The following IFT122 variants were observed in gnomAD, a reference collection of about 807,000 sequenced individuals.
The protein encoded by IFT122 is intraflagellar transport 122.
IFT122 carries 118 observed loss-of-function variants against 161.6 expected under a neutral mutation model. The ratio of observed to expected loss-of-function variants is 0.73; its 90% CI spans 0.63 to 0.85. IFT122 has a LOEUF of 0.85. Ranked by LOEUF, IFT122 falls within the 40% of genes least tolerant of loss-of-function variation. The pLI, the probability that IFT122 is intolerant of heterozygous loss-of-function variation, is 0.00. For synonymous variants in IFT122, 550 were observed against 602.4 expected (o/e 0.91, Z 1.27); for missense variants, 1,381 against 1,579.6 (o/e 0.87, Z 2.13).
At chr3:129,512,511 C>G (rs2082955851) in intron 24 of IFT122, 99 bp downstream of exon 24, 2 of 857,806 alleles carry the variant, frequency 2.3e-6, no homozygotes, top group African/African-American at 1.6e-5. Flanking sequence ...ACCTTCCTCT[C>G]TCAGCAACCC....
Position 129,495,604 on chromosome 3 carries a change from C to T in IFT122, c.2205C>T (p.Ala735=), listed in dbSNP as rs2080737814. Residue 735 remains alanine (A), a synonymous_variant, in exon 18 of 30, where the codon GCC becomes GCT. Transcript: ENST00000348417. ...MYTDLCMFEY[A]KDFLGSGDPK... The stretch of plus-strand genomic sequence containing the variant: ...CCGACCTCTGCATGTTTGAGTATGC[C>T]AAGGTAACCTACCCTGTCCCAGGCC... 6.2e-7 allele frequency: 1 copy of T among 1,614,150 alleles called. No homozygotes were observed. Among genetic ancestry groups the T allele is most frequent in the Non-Finnish European group, 8.5e-7 (1 of 1,180,010 alleles).
At position 129,481,667 on chromosome 3, in the gene IFT122, C is replaced by T. The variant is rs747257777; in HGVS notation, c.1626C>T (p.Asp542=). The part of the protein sequence containing the change: ...VDENDTCLVY[D]IDTKELLFQE... ...AAAATGACACTTGCCTGGTGTATGA[C>T]ATCGACACCAAGGAGCTGCTTTTTC... is the stretch of plus-strand genomic sequence containing the variant. The change falls in exon 14 of 30, where the codon GAC becomes GAT. Residue 542 remains aspartate (D), a synonymous_variant. Coordinates refer to ENST00000348417, the MANE Select transcript of IFT122 (RefSeq NM_052989.3). The T allele has an allele frequency of 6.2e-7, 1 of 1,614,082 alleles. No homozygotes were observed. The highest frequency in any genetic ancestry group is 2.2e-5 in the East Asian group (1 of 44,882).
At chr3:129,503,943 T>G in intron 20 of IFT122, 1 of 337,964 alleles carries the variant, frequency 3.0e-6, no homozygotes, top group South Asian at 2.4e-5. Context: ...TGATAAGAAG[T>G]GGTGATGATG....
Position 129,520,275 on chromosome 3 carries a change from T to TG in IFT122, c.*14dup, listed in dbSNP as rs765958794. 1 of 1,603,430 alleles carries TG rather than the reference T, an allele frequency of 6.2e-7. No individual in the cohort carries two copies. Among genetic ancestry groups the TG allele is most frequent in the South Asian group, 1.1e-5 (1 of 90,482 alleles). ...TGACCCTGGCCCATGACCAGCATCC[T>TG]GGGGACGGCCTGCACCCTCTGCCCG... On this transcript the variant is annotated 3_prime_UTR_variant, in exon 30 of 30. Transcript: ENST00000348417.
chr3:129,510,813 T>A (rs1441782574), intron 23 of IFT122, among the ~76,000 whole-genome samples: 1 of 152,218 alleles, frequency 6.6e-6, no homozygotes, highest in African/African-American at 2.4e-5. Context: ...AAATGCCTAC[T>A]ACGTGACAGA....
In IFT122 at chr3:129,512,299, T is replaced by C; in HGVS notation, c.2887-13T>C. The C allele has an allele frequency of 6.3e-7, 1 of 1,599,690 alleles. No individual in the cohort carries two copies. Among genetic ancestry groups the C allele is most frequent in the Non-Finnish European group, 8.6e-7 (1 of 1,166,764 alleles). ...GAAGAACTCAATCCCTGTTTGCTTT[T>C]CTCTCACTGCAGGAAGATCCGTTCA... On this transcript the variant is annotated splice_polypyrimidine_tract_variant and intron_variant, in intron 23 of 29. Coordinates refer to ENST00000348417, the MANE Select transcript of IFT122 (RefSeq NM_052989.3).
chr3:129,484,306 T>C (rs1310101523), intron 15 of IFT122, among the ~76,000 whole-genome samples: 1 of 152,102 alleles, frequency 6.6e-6, no homozygotes, highest in Non-Finnish European at 1.5e-5. Flanking sequence ...AGGCAGATGG[T>C]GCTCACTGTA....
intron 3 of IFT122, among the ~76,000 whole-genome samples, chr3:129,456,460 A>G (rs1049773866): frequency 1.3e-5 from 2 of 152,098 alleles, no homozygotes; most frequent in African/African-American, 4.8e-5. Flanking sequence ...AACACAGTGA[A>G]ACCTCGTCTG....
intron 19 of IFT122, 124 bp from the exon 20 acceptor site, chr3:129,502,587 C>T: frequency 4.6e-6 from 5 of 1,076,432 alleles, no homozygotes; most frequent in Middle Eastern, 4.0e-4. Context: ...AATAACTACC[C>T]ACTGAGCAAC....
At chr3:129,453,021 C>G (rs28442882) in intron 3 of IFT122, among the ~76,000 whole-genome samples, 2,119 of 152,182 alleles carry the variant, frequency 0.014, 40 homozygotes, top group African/African-American at 0.046. Flanking sequence ...GTTGCCCCCC[C>G]CACTGAGATG....
At chr3:129,469,035 C>T (rs913733824) in intron 8 of IFT122, among the ~76,000 whole-genome samples, 10 of 152,188 alleles carry the variant, frequency 6.6e-5, no homozygotes, top group African/African-American at 2.4e-4. Flanking sequence ...CTTAGTGTTG[C>T]TCCCCAGTAA....
chr3:129,441,869 G>T (rs1437801719), intron 1 of IFT122, among the ~76,000 whole-genome samples: 1 of 152,198 alleles, frequency 6.6e-6, no homozygotes, highest in East Asian at 1.9e-4. Context: ...AGCACAAGCT[G>T]ATGATAGCTG....
intron 26 of IFT122, among the ~76,000 whole-genome samples, chr3:129,516,271 A>G (rs1005666453): frequency 5.1e-5 from 7 of 136,464 alleles, no homozygotes; most frequent in Admixed American, 5.1e-4. Flanking sequence ...CCCTACACAC[A>G]CACAGATTGC....
chr3:129,485,529 C>G (rs1183375925), intron 15 of IFT122, among the ~76,000 whole-genome samples: 3 of 152,242 alleles, frequency 2.0e-5, no homozygotes, highest in Non-Finnish European at 4.4e-5. Flanking sequence ...GCACGAACAG[C>G]TTCTCCTGGA....
intron 9 of IFT122, among the ~76,000 whole-genome samples, chr3:129,470,651 A>C (rs1485206242): frequency 6.7e-6 from 1 of 149,708 alleles, no homozygotes; most frequent in East Asian, 2.0e-4. Context: ...GTTCACTGCG[A>C]CCTCTGCCTC....
At chr3:129,504,455 G>A in intron 21 of IFT122, 34 bp downstream of exon 21, 1 of 1,555,072 alleles carries the variant, frequency 6.4e-7, no homozygotes, top group South Asian at 1.1e-5. Context: ...TCTAGAAGGA[G>A]CAGGAGAAGT....
intron 2 of IFT122, among the ~76,000 whole-genome samples, chr3:129,451,409 T>C (rs2074832808): frequency 6.6e-6 from 1 of 152,152 alleles, no homozygotes; most frequent in South Asian, 2.1e-4. Context: ...AGGAGTGAGC[T>C]ACCATGCCTG....
intron 21 of IFT122, 90 bp from the exon 22 acceptor site, chr3:129,506,319 C>T: frequency 1.3e-6 from 2 of 1,489,466 alleles, no homozygotes; most frequent in Non-Finnish European, 9.3e-7. Flanking sequence ...TCCAAAGCAG[C>T]CCTGTGCAAG....
rs59912693 is a variant in IFT122 at position 129,466,943 on chromosome 3, T to C, written c.617T>C (p.Ile206Thr). The change falls in exon 8 of 30, where the codon ATT becomes ACT. Residue 206 changes from isoleucine (I) to threonine (T), a missense_variant. This residue lies in a region of IFT122 where 544 missense variants were observed against 648.0 expected (regional missense o/e 0.84). Coordinates refer to ENST00000348417, the MANE Select transcript of IFT122 (RefSeq NM_052989.3). ...GAGAATGAGGATGCCGAGGATGTCA[T>C]TGTCAACAGATATATTCAGGAAATC... ...NRENEDAEDV[I>T]VNRYIQEIPS... is the part of the protein sequence containing the mutation. The C allele has an allele frequency of 3.0e-4, 488 of 1,614,204 alleles. 2 individuals are homozygous for C. The African/African-American group carries it at 5.9e-3, about 19-fold the overall frequency.
Sources: allele counts gnomAD v4.1 joint callset (sites outside exome capture counted in the v4.1 genomes callset), GRCh38; gene constraint gnomAD v4.1.1; regional missense constraint gnomAD v4.1.1; transcripts MANE v1.5; gene names NCBI Gene and HGNC (gene_info 2026-07-23, HGNC 2026-07-21).